ZHX2: variants seen among roughly 807,000 people sequenced by gnomAD.
The protein encoded by ZHX2 is zinc fingers and homeoboxes protein 2.
In ZHX2, 6 loss-of-function variants were observed where a neutral mutation model predicts 21.9. The ratio of observed to expected loss-of-function variants is 0.27; its 90% CI spans 0.15 to 0.54. The LOEUF (loss-of-function observed/expected upper bound fraction) is 0.54, where lower values mean the gene tolerates loss of function less well. ZHX2 is among the 20% of genes least tolerant of loss of function. The pLI, the probability that ZHX2 is intolerant of heterozygous loss-of-function variation, is 0.95. For missense variants in ZHX2, 908 were observed against 1,090.7 expected (o/e 0.83, Z 2.36); for synonymous variants, 434 against 437.1 (o/e 0.99, Z 0.09).
intron 1 of ZHX2, among the ~76,000 whole-genome samples, chr8:122,818,664 T>C (rs1818079638): frequency 6.6e-6 from 1 of 152,248 alleles, no homozygotes; most frequent in South Asian, 2.1e-4. Context: ...TTTAAAAATG[T>C]GTCTTACGAT....
At chr8:122,852,921 T>A (rs989025545) in intron 1 of ZHX2, among the ~76,000 whole-genome samples, 2 of 152,142 alleles carry the variant, frequency 1.3e-5, no homozygotes, top group African/African-American at 4.8e-5. Flanking sequence ...ATGAAGCCCT[T>A]ATGGTCACCT....
At chr8:122,832,279 T>C (rs528710634) in intron 1 of ZHX2, among the ~76,000 whole-genome samples, 2 of 152,248 alleles carry the variant, frequency 1.3e-5, no homozygotes, top group South Asian at 4.1e-4. Context: ...AGCTTGTCTT[T>C]GATGTTATGG....
At chr8:122,921,057 A>G (rs2130080446) in intron 2 of ZHX2, among the ~76,000 whole-genome samples, 1 of 151,298 alleles carries the variant, frequency 6.6e-6, no homozygotes, top group Admixed American at 6.6e-5. Context: ...ATGGAAGGAC[A>G]TGTTTTTTTT....
chr8:122,792,731 A>C (rs955728524), intron 1 of ZHX2, among the ~76,000 whole-genome samples: 4 of 152,160 alleles, frequency 2.6e-5, no homozygotes, highest in Non-Finnish European at 4.4e-5. Context: ...ACACACACAC[A>C]TGCCTGGTCA....
Position 122,830,511 on chromosome 8 carries a change from G to T in ZHX2, c.-282-32966G>T, listed in dbSNP as rs28813371. Among the ~76,000 whole-genome samples, 833 of 152,288 alleles carry T rather than the reference G, an allele frequency of 5.5e-3. 4 individuals are homozygous for T. The highest frequency in any genetic ancestry group is 0.019 in the African/African-American group (785 of 41,560). On this transcript the variant is annotated intron_variant, in intron 1 of 3. Coordinates refer to ENST00000314393, the MANE Select transcript of ZHX2 (RefSeq NM_014943.5). ...AATAACTACTTCAGGCGGGACATAG[G>T]GGGTGGTGTGGGCACGTTGGAAAAA...
chr8:122,849,795 C>G (rs1818842984), intron 1 of ZHX2, among the ~76,000 whole-genome samples: 1 of 152,176 alleles, frequency 6.6e-6, no homozygotes, highest in Non-Finnish European at 1.5e-5. Context: ...TTTGGGGAGC[C>G]ACGATCAACC....
intron 1 of ZHX2, among the ~76,000 whole-genome samples, chr8:122,844,312 G>A (rs1316850490): frequency 1.3e-5 from 2 of 152,248 alleles, no homozygotes; most frequent in African/African-American, 4.8e-5. Context: ...TGGCAGCTCG[G>A]AAGAATCAGC....
chr8:122,878,072 CTG>C (rs34978922), intron 2 of ZHX2, among the ~76,000 whole-genome samples: 83,446 of 150,556 alleles, frequency 0.55, 23,108 homozygotes, highest in Admixed American at 0.65. Context: ...GGTAAAAGTT[CTG>C]TGTGTGTGTG....
intron 2 of ZHX2, among the ~76,000 whole-genome samples, chr8:122,930,409 T>C (rs1019178977): frequency 1.3e-5 from 2 of 152,182 alleles, no homozygotes; most frequent in African/African-American, 4.8e-5. Context: ...ACAGGTTCTT[T>C]CTGAAGTGTA....
intron 2 of ZHX2, among the ~76,000 whole-genome samples, chr8:122,900,225 CAAG>C: frequency 6.6e-6 from 1 of 152,008 alleles, no homozygotes; most frequent in South Asian, 2.1e-4. Context: ...GCAGGCTGTA[CAAG>C]AAGCGTGGTG....
chr8:122,971,004 G>A (rs182856880), intron 3 of ZHX2, among the ~76,000 whole-genome samples: 1 of 152,348 alleles, frequency 6.6e-6, no homozygotes, highest in Admixed American at 6.5e-5. Context: ...AAGTTGGACT[G>A]GCCAAGGTGG....
At chr8:122,912,780 C>A (rs1820513235) in intron 2 of ZHX2, among the ~76,000 whole-genome samples, 5 of 152,080 alleles carry the variant, frequency 3.3e-5, no homozygotes, top group Admixed American at 3.3e-4. Flanking sequence ...TCAGAATACA[C>A]TGAGGGGCAA....
chr8:122,935,047 T>A (rs567322479), intron 2 of ZHX2, among the ~76,000 whole-genome samples: 1 of 152,292 alleles, frequency 6.6e-6, no homozygotes, highest in East Asian at 1.9e-4. Flanking sequence ...CAAAAAGCCG[T>A]GTGCTATATA....
At chr8:122,876,525 G>A (rs1262919296) in intron 2 of ZHX2, among the ~76,000 whole-genome samples, 3 of 152,166 alleles carry the variant, frequency 2.0e-5, no homozygotes, top group African/African-American at 7.2e-5. Context: ...ATCCCTGGAT[G>A]CCATTTGTTG....
chr8:122,818,963 A>G (rs1475770482), intron 1 of ZHX2, among the ~76,000 whole-genome samples: 2 of 152,158 alleles, frequency 1.3e-5, no homozygotes, highest in Non-Finnish European at 2.9e-5. Context: ...TCGCAGATAG[A>G]CCGCGTCCTT....
intron 3 of ZHX2, among the ~76,000 whole-genome samples, chr8:122,955,799 C>G (rs1302453428): frequency 1.3e-5 from 2 of 151,256 alleles, no homozygotes. Context: ...GAAGAACCTA[C>G]CAGTCTAGCC....
chr8:122,881,847 G>T (rs536028947), intron 2 of ZHX2, among the ~76,000 whole-genome samples: 3 of 152,082 alleles, frequency 2.0e-5, no homozygotes, highest in African/African-American at 7.2e-5. Context: ...GCCACTGCGC[G>T]ACTCTCACTA....
At chr8:122,839,429 GC>G (rs1818574634) in intron 1 of ZHX2, among the ~76,000 whole-genome samples, 1 of 152,172 alleles carries the variant, frequency 6.6e-6, no homozygotes, top group Non-Finnish European at 1.5e-5. Context: ...GCAGAGGCCT[GC>G]CCGGCTCGTA....
At chr8:122,938,154 C>T (rs71514787) in intron 2 of ZHX2, among the ~76,000 whole-genome samples, 5,773 of 150,198 alleles carry the variant, frequency 0.038, 166 homozygotes, top group Non-Finnish European at 0.057. Context: ...TGGCTGGTCT[C>T]GATCTCCTGA....
Sources: allele counts gnomAD v4.1 joint callset (sites outside exome capture counted in the v4.1 genomes callset), GRCh38; gene constraint gnomAD v4.1.1; transcripts MANE v1.5; gene names NCBI Gene and HGNC (gene_info 2026-07-23, HGNC 2026-07-21).